Variants in USP13 observed in about 807,000 individuals in gnomAD.
USP13 encodes ubiquitin carboxyl-terminal hydrolase 13.
A neutral mutation model predicts 107.8 loss-of-function variants in USP13; 68 were observed. The ratio of observed to expected loss-of-function variants is 0.63; its 90% confidence interval spans 0.52 to 0.77. The LOEUF is 0.77. USP13 is among the 30% of genes least tolerant of loss of function. The pLI, the probability that USP13 is intolerant of heterozygous loss-of-function variation, is 0.00. For missense variants in USP13, 945 were observed against 1,093.3 expected (o/e 0.86, Z 1.91); for synonymous variants, 377 against 389.5 (o/e 0.97, Z 0.38).
chr3:179,764,192 T>C (rs1469746090), intron 18 of USP13, 24 bp downstream of exon 18: 6 of 1,557,658 alleles, frequency 3.9e-6, no homozygotes, highest in Middle Eastern at 3.7e-4. Flanking sequence ...ACTGTGTGTG[T>C]GTGTGTGTGT....
At chr3:179,714,850 TTC>T (rs1397328707) in intron 6 of USP13, among the ~76,000 whole-genome samples, 1 of 149,134 alleles carries the variant, frequency 6.7e-6, no homozygotes, top group Non-Finnish European at 1.5e-5. Flanking sequence ...GTCCTGGCGG[TTC>T]TCTTTCTTTT....
chr3:179,781,926 C>T, intron 20 of USP13, 103 bp downstream of exon 20: 2 of 1,066,006 alleles, frequency 1.9e-6, no homozygotes, highest in Admixed American at 1.9e-5. Flanking sequence ...ATTTGGTTCT[C>T]ACATTGGTCT....
intron 8 of USP13, among the ~76,000 whole-genome samples, chr3:179,725,123 A>G (rs1713466403): frequency 6.6e-6 from 1 of 152,084 alleles, no homozygotes; most frequent in South Asian, 2.1e-4. Flanking sequence ...GAGGCAGGAG[A>G]ATTGCTTGAA....
chr3:179,698,099 C>T (rs1328553053), intron 3 of USP13, among the ~76,000 whole-genome samples: 1 of 152,136 alleles, frequency 6.6e-6, no homozygotes, highest in Non-Finnish European at 1.5e-5. Flanking sequence ...GTGCCAGGCA[C>T]AGTACAGGGG....
chr3:179,699,883 C>CA (rs747484167), intron 3 of USP13, among the ~76,000 whole-genome samples: 15 of 151,736 alleles, frequency 9.9e-5, no homozygotes, highest in Admixed American at 8.5e-4. Context: ...AAGGTAATAA[C>CA]AGAATCTAGA....
intron 20 of USP13, 25 bp downstream of exon 20, chr3:179,781,848 G>A (rs1434454701): frequency 6.3e-7 from 1 of 1,595,190 alleles, no homozygotes; most frequent in East Asian, 2.2e-5. Flanking sequence ...GAAGGTAAAT[G>A]TTAGCTGTGA....
rs1033378308 is a variant in USP13 at position 179,653,551 on chromosome 3, C to T, written c.168+158C>T. ...CAGTTCGGCAGACACTTAGTGAGCG[C>T]CCCAGGGCTGCTGCAGCCGAGGACT... On this transcript the variant is annotated intron_variant, in intron 1 of 20. Coordinates refer to ENST00000263966, the MANE Select transcript of USP13 (RefSeq NM_003940.3). This position sits in a 1 kb window ranked among gnomAD's most constrained non-coding sequence, Gnocchi z 4.0. 1.2e-5 allele frequency: 12 copies of T among 1,023,790 alleles called. No individual in the cohort carries two copies. The highest frequency in any genetic ancestry group is 3.3e-4 in the Middle Eastern group (1 of 3,052). 63.4% of individuals were successfully genotyped at this position (1,023,790 alleles called of 1,614,324 possible).
chr3:179,746,212 GTATA>G (rs1481688291), intron 13 of USP13, among the ~76,000 whole-genome samples: 1 of 146,000 alleles, frequency 6.8e-6, no homozygotes, highest in African/African-American at 2.5e-5. Flanking sequence ...TATATAAAAT[GTATA>G]TATATAAAAT....
In USP13 at chr3:179,687,659, C is replaced by CAAAAAAAAAAAAAAAAAAAA. The variant is rs71182509; in HGVS notation, c.295-2575_295-2556dup. ...GGGCAACAAGAGTGAAACTCTGTCTCAAAAAAAAAAAAAAAAAAAAAAAAA... is the reference window on the plus strand; with the variant it reads ...GGGCAACAAGAGTGAAACTCTGTCTCAAAAAAAAAAAAAAAAAAAAAAAAAAAAAAAAAAAAAAAAAAAAA... On this transcript the variant is annotated intron_variant, in intron 2 of 20. Coordinates refer to ENST00000263966, the MANE Select transcript of USP13 (RefSeq NM_003940.3). 3.1e-3 allele frequency among the ~76,000 whole-genome samples: 58 copies of CAAAAAAAAAAAAAAAAAAAA among 18,512 alleles called. 12 individuals carry two copies. The highest frequency in any genetic ancestry group is 3.5e-3 in the Non-Finnish European group (21 of 5,928). The allele number at this position is 18,512 out of a possible 152,430, so 12.1% of individuals were successfully genotyped here. A position where few individuals can be genotyped will look rare whatever the true frequency, so the allele number is the denominator to read the frequency against.
At chr3:179,760,993 C>T (rs994843046) in intron 16 of USP13, 119 bp from the exon 17 acceptor site, 5 of 1,255,318 alleles carry the variant, frequency 4.0e-6, no homozygotes, top group African/African-American at 3.0e-5. Flanking sequence ...AAACCATTAT[C>T]TACACCCAAC....
intron 1 of USP13, among the ~76,000 whole-genome samples, chr3:179,655,833 G>A (rs1478952881): frequency 2.0e-5 from 3 of 152,114 alleles, no homozygotes; most frequent in African/African-American, 4.8e-5. Context: ...GATTACAGGC[G>A]TGAGCCACTG....
intron 1 of USP13, among the ~76,000 whole-genome samples, chr3:179,681,526 G>T (rs1241841226): frequency 6.6e-6 from 1 of 152,144 alleles, no homozygotes; most frequent in Non-Finnish European, 1.5e-5. Flanking sequence ...CAGGGGTTTT[G>T]GGTGCCATCC....
chr3:179,732,529 C>T (rs1016356026), intron 10 of USP13, among the ~76,000 whole-genome samples: 3 of 152,042 alleles, frequency 2.0e-5, no homozygotes, highest in Non-Finnish European at 4.4e-5. Flanking sequence ...CTTCCAATCT[C>T]ACCATTCAAG....
rs751138197 is a variant in USP13, at chr3:179,742,386, T to TCTTCATATGGGAAAAC, written c.1534+38_1534+53dup. 2.2e-5 allele frequency: 35 copies of TCTTCATATGGGAAAAC among 1,612,184 alleles called. No homozygotes were observed. The African/African-American group carries it at 3.9e-4, about 18-fold the overall frequency. ...CAAAGCGGGAAATTGGTACTGTGTGTCTTCATATGGGAAAACCCTCAAATC... is the reference window on the plus strand; with the variant it reads ...CAAAGCGGGAAATTGGTACTGTGTGTCTTCATATGGGAAAACCTTCATATGGGAAAACCCTCAAATC... On this transcript the variant is annotated intron_variant, in intron 12 of 20. Transcript: ENST00000263966. The surrounding 1 kb of genome is among the most constrained non-coding windows in gnomAD (Gnocchi z 5.0).
chr3:179,737,376 G>A (rs957154244), intron 10 of USP13, among the ~76,000 whole-genome samples: 2 of 152,136 alleles, frequency 1.3e-5, no homozygotes, highest in Non-Finnish European at 2.9e-5. Context: ...ACTGTGCCTG[G>A]CACGTAGTCG....
intron 1 of USP13, among the ~76,000 whole-genome samples, chr3:179,654,087 G>T (rs959223791): frequency 6.6e-6 from 1 of 151,986 alleles, no homozygotes; most frequent in Admixed American, 6.6e-5. Flanking sequence ...GGTGGCGGGA[G>T]CCTGTAGTCC....
chr3:179,677,243 C>A (rs7630406), intron 1 of USP13, among the ~76,000 whole-genome samples: 2,229 of 151,858 alleles, frequency 0.015, 62 homozygotes, highest in African/African-American at 0.051. Flanking sequence ...TTATGGACTT[C>A]GTGACATTAT....
chr3:179,772,367 A>G (rs1236956215), intron 19 of USP13, among the ~76,000 whole-genome samples: 7 of 152,266 alleles, frequency 4.6e-5, no homozygotes, highest in African/African-American at 1.7e-4. Context: ...ACATGTGATT[A>G]GGCTGTGATT....
chr3:179,703,114 A>G (rs1712593908), intron 4 of USP13, among the ~76,000 whole-genome samples: 1 of 152,192 alleles, frequency 6.6e-6, no homozygotes, highest in South Asian at 2.1e-4. Context: ...CATTTTTACT[A>G]TAGAGTCTTT....
Sources: gnomAD v4.1 joint callset for allele counts (sites outside exome capture counted in the v4.1 genomes callset) on GRCh38, gnomAD v4.1.1 for gene constraint, Gnocchi (gnomAD v3.1) non-coding constraint, MANE v1.5 for transcripts, NCBI Gene and HGNC (gene_info 2026-07-23, HGNC 2026-07-21) for gene names.